CPA6: variants seen among roughly 807,000 people sequenced by gnomAD.
The protein encoded by CPA6 is carboxypeptidase B.
In CPA6, 58 loss-of-function variants were observed where a neutral mutation model predicts 63.3. The ratio of observed to expected loss-of-function variants is 0.92; its 90% confidence interval spans 0.74 to 1.14. The LOEUF is 1.14. CPA6 is among the 50% of genes most tolerant of loss of function. CPA6 has a pLI of 0.00. For synonymous variants in CPA6, 185 were observed against 179.0 expected (o/e 1.03, Z -0.27); for missense variants, 565 against 526.6 (o/e 1.07, Z -0.71).
At chr8:67,607,905 A>G (rs1814707705) in intron 2 of CPA6, among the ~76,000 whole-genome samples, 1 of 152,214 alleles carries the variant, frequency 6.6e-6, no homozygotes, top group African/African-American at 2.4e-5. Context: ...AATGACTGAA[A>G]TATAAGAGAC....
intron 1 of CPA6, among the ~76,000 whole-genome samples, chr8:67,673,445 G>A (rs1218955004): frequency 6.7e-6 from 1 of 148,998 alleles, no homozygotes; most frequent in South Asian, 2.1e-4. Flanking sequence ...GTGCAGTGGC[G>A]CGATCTGGGC....
chr8:67,445,750 C>T (rs1336681185), intron 8 of CPA6, among the ~76,000 whole-genome samples: 1 of 152,036 alleles, frequency 6.6e-6, no homozygotes, highest in African/African-American at 2.4e-5. Flanking sequence ...GGTTGATCTC[C>T]TAACTGGCAT....
In CPA6 at chr8:67,483,840, T is replaced by C; in HGVS notation, c.766A>G (p.Thr256Ala). The C allele has an allele frequency of 1.2e-6, 2 of 1,613,996 alleles. No homozygotes were observed. The highest frequency in any genetic ancestry group is 1.7e-6 in the Non-Finnish European group (2 of 1,179,856). ...SWTNDRFWRKTRSRNSRFRCR... is the reference protein window; with the variant it reads ...SWTNDRFWRKARSRNSRFRCR... Reference sequence around the variant, plus strand: ...CGAAACCTTGAGTTCCTTGACCTTGTTTTTCTCCAAAATCGATCCTAGACA... The same window carrying C: ...CGAAACCTTGAGTTCCTTGACCTTGCTTTTCTCCAAAATCGATCCTAGACA... The change falls in exon 8 of 11, where the codon ACA becomes GCA. Residue 256 changes from threonine (T) to alanine (A), a missense_variant. Coordinates refer to ENST00000297770, the MANE Select transcript of CPA6 (RefSeq NM_020361.5).
intron 1 of CPA6, among the ~76,000 whole-genome samples, chr8:67,650,157 A>G (rs774916099): frequency 2.0e-5 from 3 of 152,058 alleles, no homozygotes; most frequent in Non-Finnish European, 4.4e-5. Context: ...TTTGGTGGTG[A>G]GACTGCTGGC....
At chr8:67,718,938 C>T (rs1817438308) in intron 1 of CPA6, among the ~76,000 whole-genome samples, 2 of 152,252 alleles carry the variant, frequency 1.3e-5, no homozygotes, top group South Asian at 4.1e-4. Context: ...AGCCACCGCA[C>T]CTGGCCAAGT....
chr8:67,427,970 C>G, intron 10 of CPA6, 77 bp downstream of exon 10: 1 of 945,932 alleles, frequency 1.1e-6, no homozygotes, highest in Non-Finnish European at 1.6e-6. Context: ...ACACTTTCTC[C>G]CTTCTAAAAG....
At chr8:67,671,008 A>C (rs2128994338) in intron 1 of CPA6, among the ~76,000 whole-genome samples, 1 of 152,362 alleles carries the variant, frequency 6.6e-6, no homozygotes, top group East Asian at 1.9e-4. Flanking sequence ...TGTCCTCTGG[A>C]CAATTCAAGA....
chr8:67,681,271 G>T (rs1438372130), intron 1 of CPA6, among the ~76,000 whole-genome samples: 1 of 135,216 alleles, frequency 7.4e-6, no homozygotes, highest in Non-Finnish European at 1.5e-5. Flanking sequence ...CTGCAGTGGC[G>T]CAATCTCGGC....
intron 1 of CPA6, among the ~76,000 whole-genome samples, chr8:67,652,615 G>A (rs561872096): frequency 3.9e-4 from 58 of 150,204 alleles, no homozygotes; most frequent in Non-Finnish European, 4.3e-4. Context: ...ATTTGTTTGA[G>A]TTCATTGTAG....
chr8:67,704,968 T>A (rs984721495), intron 1 of CPA6, among the ~76,000 whole-genome samples: 2 of 152,074 alleles, frequency 1.3e-5, no homozygotes, highest in African/African-American at 4.8e-5. Context: ...CTCTTCAGTA[T>A]TTTATAGGTG....
At chr8:67,523,669 G>A (rs1229519713) in intron 2 of CPA6, among the ~76,000 whole-genome samples, 3 of 152,236 alleles carry the variant, frequency 2.0e-5, no homozygotes, top group African/African-American at 7.2e-5. Context: ...CATGGCTCTT[G>A]GTTCTTGTGC....
chr8:67,722,923 C>T (rs1018326763), intron 1 of CPA6, among the ~76,000 whole-genome samples: 1 of 151,806 alleles, frequency 6.6e-6, no homozygotes, highest in Non-Finnish European at 1.5e-5. Context: ...GATTTACGCT[C>T]ACAAATTACC....
rs576916666 is a variant in CPA6, at chr8:67,514,249, C to T, written c.318-2594G>A. 6.8e-4 allele frequency among the ~76,000 whole-genome samples: 104 copies of T among 152,194 alleles called. 2 individuals are homozygous for T. In the South Asian group the frequency reaches 0.018, roughly 26 times the overall value. ...CTGGGATTACAGGTGTGAGCCACCA[C>T]GCCTGATCAAAAAATAGAAATTTCA... On this transcript the variant is annotated intron_variant, in intron 3 of 10. Transcript: ENST00000297770.
At chr8:67,457,807 T>C (rs1371140022) in intron 8 of CPA6, among the ~76,000 whole-genome samples, 4 of 152,180 alleles carry the variant, frequency 2.6e-5, no homozygotes, top group South Asian at 4.1e-4. Context: ...TTCTCTTCTG[T>C]AGACCCCACA....
At chr8:67,731,871 A>G (rs1378119716) in intron 1 of CPA6, among the ~76,000 whole-genome samples, 1 of 152,252 alleles carries the variant, frequency 6.6e-6, no homozygotes, top group Non-Finnish European at 1.5e-5. Context: ...AGAGGATGTT[A>G]GGCTCAAAAT....
At position 67,659,986 on chromosome 8, in the gene CPA6, G is replaced by A. The variant is rs139874718; in HGVS notation, c.117-35735C>T. On this transcript the variant is annotated intron_variant, in intron 1 of 10. Transcript: ENST00000297770. ...TTAAAATATTATTTCCCTCTACCGT[G>A]GAAAAGTTTCATTGCTGTAGTCAGT... Among the ~76,000 whole-genome samples the A allele has an allele frequency of 2.2e-3, 331 of 152,226 alleles. 2 individuals are homozygous for A. Among genetic ancestry groups the A allele is most frequent in the African/African-American group, 7.6e-3 (317 of 41,560 alleles).
At chr8:67,614,488 C>G (rs780262387) in intron 2 of CPA6, among the ~76,000 whole-genome samples, 14 of 152,144 alleles carry the variant, frequency 9.2e-5, no homozygotes, top group Non-Finnish European at 1.3e-4. Context: ...CTGGATGCCA[C>G]AAGTAGCCCC....
At chr8:67,588,212 C>T (rs138126221) in intron 2 of CPA6, among the ~76,000 whole-genome samples, 3 of 152,132 alleles carry the variant, frequency 2.0e-5, no homozygotes, top group Non-Finnish European at 4.4e-5. Flanking sequence ...TCAGGTTCGC[C>T]GTTTAACATT....
intron 8 of CPA6, among the ~76,000 whole-genome samples, chr8:67,440,741 C>A (rs886256879): frequency 2.0e-5 from 3 of 151,902 alleles, no homozygotes; most frequent in Non-Finnish European, 2.9e-5. Context: ...GCAATTATAA[C>A]AAGATGATAA....
Sources: gnomAD v4.1 joint callset for allele counts (sites outside exome capture counted in the v4.1 genomes callset) on GRCh38, gnomAD v4.1.1 for gene constraint, MANE v1.5 for transcripts, NCBI Gene and HGNC (gene_info 2026-07-23, HGNC 2026-07-21) for gene names.